The following FMNL3 variants were observed in gnomAD, a reference collection of about 807,000 sequenced individuals.
FMNL3 encodes formin like 3, also known as formin-like protein 3.
Under a neutral mutation model 119.6 loss-of-function variants are expected in FMNL3, and 57 were observed. That is an observed-to-expected ratio of 0.48 (90% CI 0.39 to 0.59). The LOEUF (loss-of-function observed/expected upper bound fraction) is 0.59, where lower values mean the gene tolerates loss of function less well. FMNL3 is among the 20% of genes least tolerant of loss of function. The pLI is 0.00. For missense variants in FMNL3, 1,053 were observed against 1,323.5 expected (o/e 0.80, Z 3.17); for synonymous variants, 491 against 507.3 (o/e 0.97, Z 0.43).
Position 49,646,931 on chromosome 12 carries a change from G to A in FMNL3, c.2950C>T (p.Pro984Ser). ...LRRRQAKEHR[P>S]VYEGKDGTIE... ...GTACCATCCTTCCCCTCATAAACAG[G>A]CCGGTGTTCCTTGGCCTGGCGCCGC... is the stretch of plus-strand genomic sequence containing the variant. The change falls in exon 25 of 26, where the codon CCT becomes TCT. Residue 984 changes from proline (P) to serine (S), a missense_variant. Physicochemically the swap from Pro to Ser is moderately conservative, Grantham distance 74. Transcript: ENST00000335154. 6.2e-7 allele frequency: 1 copy of A among 1,614,074 alleles called. No individual in the cohort carries two copies. Among genetic ancestry groups the A allele is most frequent in the Non-Finnish European group, 8.5e-7 (1 of 1,179,980 alleles).
intron 1 of FMNL3, among the ~76,000 whole-genome samples, chr12:49,690,333 G>A (rs1350358436): frequency 1.3e-5 from 2 of 152,082 alleles, no homozygotes; most frequent in Non-Finnish European, 2.9e-5. Context: ...TGAAAGAAAA[G>A]AAAATGGAAT....
rs199506894 is a variant in FMNL3, at chr12:49,656,534, C to T, written c.792-37G>A. 19 of 1,562,370 alleles carry T rather than the reference C, an allele frequency of 1.2e-5. No homozygotes were observed. In the African/African-American group the frequency reaches 2.4e-4, roughly 20 times the overall value. On this transcript the variant is annotated intron_variant, in intron 8 of 25. Transcript: ENST00000335154. ...AGAAGGAAGATTAACACCCTAACTC[C>T]CCATCCTGACAACCACACAGCTCAT...
intron 6 of FMNL3, 24 bp downstream of exon 6, chr12:49,658,418 T>C (rs759563377): frequency 1.9e-6 from 3 of 1,561,688 alleles, no homozygotes; most frequent in Non-Finnish European, 2.6e-6. Flanking sequence ...GGGAGGCAGG[T>C]GGGCAGAGCA....
At chr12:49,695,904 T>G (rs534641153) in intron 1 of FMNL3, among the ~76,000 whole-genome samples, 140 of 152,120 alleles carry the variant, frequency 9.2e-4, no homozygotes, top group Non-Finnish European at 1.6e-3. Context: ...AGGCAGATGC[T>G]GGGAAGCTCA....
rs116217363 is a variant in FMNL3, at chr12:49,695,670, T to C, written c.126+11385A>G. Among the ~76,000 whole-genome samples the C allele has an allele frequency of 4.9e-3, 743 of 152,306 alleles. 6 individuals are homozygous for C. The highest frequency in any genetic ancestry group is 0.016 in the African/African-American group (683 of 41,558). On this transcript the variant is annotated intron_variant, in intron 1 of 25. Transcript: ENST00000335154. The stretch of plus-strand genomic sequence containing the variant: ...TCGGTAAGGACCAGACACTGAGCCA[T>C]TCCTAAAAGGATGAGATGAGGGACT...
chr12:49,651,474 G>A, intron 14 of FMNL3, 24 bp from the exon 15 acceptor site: 1 of 1,452,108 alleles, frequency 6.9e-7, no homozygotes, highest in Non-Finnish European at 9.1e-7. Context: ...AAATGACACA[G>A]TGACCCAGGC....
At chr12:49,701,785 G>A (rs143064487) in intron 1 of FMNL3, among the ~76,000 whole-genome samples, 339 of 151,990 alleles carry the variant, frequency 2.2e-3, no homozygotes, top group African/African-American at 6.9e-3. Flanking sequence ...TTAGCCAGGC[G>A]TGGTGGCAGG....
chr12:49,650,612 TC>T lies in FMNL3; in HGVS notation c.2000+63del, dbSNP rs1220762777. 25 of 1,564,742 alleles carry T rather than the reference TC, an allele frequency of 1.6e-5. No individual in the cohort carries two copies. The East Asian group carries it at 2.5e-4, about 16-fold the overall frequency. ...ACCTGGAATCTAGGGAAACCCAGGC[TC>T]CTGGGTGGAGAACTGGGTTGCCAAC... is the stretch of plus-strand genomic sequence containing the variant. On this transcript the variant is annotated intron_variant, in intron 17 of 25. Coordinates refer to ENST00000335154, the MANE Select transcript of FMNL3 (RefSeq NM_175736.5).
intron 1 of FMNL3, among the ~76,000 whole-genome samples, chr12:49,692,306 G>A (rs925550691): frequency 1.3e-5 from 2 of 151,700 alleles, no homozygotes; most frequent in Non-Finnish European, 2.9e-5. Context: ...CTCTGAGCTA[G>A]GCAAAAGAGA....
intron 1 of FMNL3, among the ~76,000 whole-genome samples, chr12:49,693,771 C>G (rs1416221142): frequency 6.7e-6 from 1 of 149,926 alleles, no homozygotes; most frequent in Non-Finnish European, 1.5e-5. Context: ...GCATCGGCCT[C>G]CTGACTAGCT....
rs1419696408 is a variant in FMNL3 at position 49,643,049 on chromosome 12, A to C, written c.*2766T>G. 1 of 1,609,382 alleles carries C rather than the reference A, an allele frequency of 6.2e-7. No homozygotes were observed. The highest frequency in any genetic ancestry group is 8.5e-7 in the Non-Finnish European group (1 of 1,176,408). ...AGCGTGTAGAAGGGACATGGGGTGA[A>C]GCTGGGTTGTTTTGGGGAAATAAAC... On this transcript the variant is annotated 3_prime_UTR_variant, in exon 26 of 26. Transcript: ENST00000335154.
intron 1 of FMNL3, among the ~76,000 whole-genome samples, chr12:49,703,207 C>G (rs2060282104): frequency 6.6e-6 from 1 of 152,198 alleles, no homozygotes; most frequent in African/African-American, 2.4e-5. Context: ...ACAACAAAGA[C>G]AGACAGCTAT....
chr12:49,702,650 G>A (rs1327434880), intron 1 of FMNL3, among the ~76,000 whole-genome samples: 1 of 151,902 alleles, frequency 6.6e-6, no homozygotes, highest in Non-Finnish European at 1.5e-5. Flanking sequence ...CCACACACAG[G>A]CTTCCCCCAG....
chr12:49,696,276 G>A (rs1347478459), intron 1 of FMNL3, among the ~76,000 whole-genome samples: 2 of 152,210 alleles, frequency 1.3e-5, no homozygotes, highest in Non-Finnish European at 2.9e-5. Context: ...GTGGGGAATT[G>A]GTTCCAGGAC....
Position 49,641,082 on chromosome 12 carries a change from C to T in FMNL3, c.*4733G>A, listed in dbSNP as rs1246623859. 6.6e-6 allele frequency: 1 copy of T among 152,246 alleles called. No individual in the cohort carries two copies. The highest frequency in any genetic ancestry group is 2.4e-5 in the African/African-American group (1 of 41,448). 9.4% of individuals were successfully genotyped at this position (152,246 alleles called of 1,614,324 possible). A position where few individuals can be genotyped will look rare whatever the true frequency, so the allele number is the denominator to read the frequency against. On this transcript the variant is annotated 3_prime_UTR_variant, in exon 26 of 26. Transcript: ENST00000335154. Reference sequence around the variant, plus strand: ...GTGCTTAACTGACGTGAGAGCCAGACTTTGAACTCCAGTGGCTTCATTTAC... The same window carrying T: ...GTGCTTAACTGACGTGAGAGCCAGATTTTGAACTCCAGTGGCTTCATTTAC...
Position 49,646,777 on chromosome 12 carries a change from G to A in FMNL3, c.2995+109C>T, listed in dbSNP as rs1291251123. On this transcript the variant is annotated intron_variant, in intron 25 of 25. Transcript: ENST00000335154. ...CACTGTGGCCCAGGAGAGAGACACA[G>A]TGGTCAGGCCTCATGGGGGGTGGGG... is the stretch of plus-strand genomic sequence containing the variant. The A allele has an allele frequency of 3.7e-6, 6 of 1,605,482 alleles. No individual in the cohort carries two copies. The African/African-American group carries it at 4.0e-5, about 11-fold the overall frequency.
intron 1 of FMNL3, among the ~76,000 whole-genome samples, chr12:49,690,268 A>C (rs905880865): frequency 3.3e-5 from 5 of 152,212 alleles, no homozygotes; most frequent in African/African-American, 1.2e-4. Context: ...CCCAAGTACA[A>C]GGGAAAGTGC....
chr12:49,694,028 T>C (rs1944686754), intron 1 of FMNL3, among the ~76,000 whole-genome samples: 1 of 151,918 alleles, frequency 6.6e-6, no homozygotes, highest in Non-Finnish European at 1.5e-5. Context: ...AACCTCAAAC[T>C]CTTGGGCTCA....
At chr12:49,697,944 A>T (rs967938712) in intron 1 of FMNL3, among the ~76,000 whole-genome samples, 2 of 152,006 alleles carry the variant, frequency 1.3e-5, no homozygotes, top group African/African-American at 2.4e-5. Flanking sequence ...CCAGAACAAA[A>T]TTTTTTTTAA....
Sources: gnomAD v4.1 joint callset for allele counts (sites outside exome capture counted in the v4.1 genomes callset) on GRCh38, gnomAD v4.1.1 for gene constraint, MANE v1.5 for transcripts, NCBI Gene and HGNC (gene_info 2026-07-23, HGNC 2026-07-21) for gene names.